Variants in CNTNAP2 observed in about 807,000 individuals in gnomAD.
The protein encoded by CNTNAP2 is contactin-associated protein-like 2.
In CNTNAP2, 98 loss-of-function variants were observed where a neutral mutation model predicts 155.2. The observed-to-expected ratio is 0.63, with a 90% CI of 0.54 to 0.75. CNTNAP2 has a LOEUF of 0.75. CNTNAP2 is among the 30% of genes least tolerant of loss of function. The pLI, the probability that CNTNAP2 is intolerant of heterozygous loss-of-function variation, is 0.00. For missense variants in CNTNAP2, 1,727 were observed against 1,688.1 expected, an observed-to-expected ratio of 1.02 and a Z score of -0.40; for synonymous variants, 651 against 631.2, an observed-to-expected ratio of 1.03 and a Z score of -0.47.
Position 148,027,145 on chromosome 7 carries a change from A to G in CNTNAP2, c.2383+49156A>G, listed in dbSNP as rs1802390477. Among the ~76,000 whole-genome samples, 6 of 152,208 alleles carry G rather than the reference A, an allele frequency of 3.9e-5. No individual in the cohort carries two copies. The South Asian group carries it at 1.2e-3, about 31-fold the overall frequency. On this transcript the variant is annotated intron_variant, in intron 15 of 23. Coordinates refer to ENST00000361727, the MANE Select transcript of CNTNAP2 (RefSeq NM_014141.6). ...GAGATTTCAGATCTAAACAAGACCC[A>G]CTATACGAACTAATGAAAATATTGG...
At chr7:146,838,862 T>C (rs1017816288) in intron 2 of CNTNAP2, among the ~76,000 whole-genome samples, 7 of 152,182 alleles carry the variant, frequency 4.6e-5, no homozygotes, top group Admixed American at 6.5e-5. Context: ...TATATCATTC[T>C]CTTTAGTAGC....
intron 8 of CNTNAP2, among the ~76,000 whole-genome samples, chr7:147,275,455 T>C (rs969956258): frequency 4.0e-5 from 6 of 151,702 alleles, no homozygotes; most frequent in African/African-American, 1.2e-4. Flanking sequence ...TAAGTGAAAT[T>C]GAGTTCTTGA....
intron 1 of CNTNAP2, among the ~76,000 whole-genome samples, chr7:146,744,701 G>A (rs1207192527): frequency 6.6e-6 from 1 of 152,064 alleles, no homozygotes; most frequent in African/African-American, 2.4e-5. Flanking sequence ...AAATAAAATG[G>A]GTGAATATTT....
chr7:147,884,761 T>C (rs1232607995), intron 13 of CNTNAP2, among the ~76,000 whole-genome samples: 1 of 152,214 alleles, frequency 6.6e-6, no homozygotes, highest in African/African-American at 2.4e-5. Flanking sequence ...CTTACTGCTC[T>C]TCTGTGAGAT....
At chr7:147,657,790 A>G (rs553963045) in intron 13 of CNTNAP2, among the ~76,000 whole-genome samples, 2 of 152,346 alleles carry the variant, frequency 1.3e-5, no homozygotes, top group African/African-American at 2.4e-5. Context: ...CTTGTATTAG[A>G]AAGGATTTAG....
intron 6 of CNTNAP2, among the ~76,000 whole-genome samples, chr7:147,126,049 T>C (rs552592904): frequency 6.6e-6 from 1 of 152,234 alleles, no homozygotes; most frequent in East Asian, 1.9e-4. Context: ...CAAGACTGTG[T>C]CCTCCCCCTC....
chr7:147,313,446 G>A (rs1398459767), intron 9 of CNTNAP2, among the ~76,000 whole-genome samples: 1 of 151,150 alleles, frequency 6.6e-6, no homozygotes. Context: ...TGTGTAAGGT[G>A]TAAGGAAGGG....
At chr7:146,893,777 T>C (rs1256772439) in intron 3 of CNTNAP2, among the ~76,000 whole-genome samples, 4 of 152,098 alleles carry the variant, frequency 2.6e-5, no homozygotes, top group Non-Finnish European at 5.9e-5. Context: ...CTTCAGCAAT[T>C]ATATGTGTGT....
chr7:148,191,808 G>C (rs1795205710), intron 18 of CNTNAP2, among the ~76,000 whole-genome samples: 1 of 152,070 alleles, frequency 6.6e-6, no homozygotes, highest in Admixed American at 6.6e-5. Flanking sequence ...AGTTTTGATG[G>C]GAGACAAAAA....
intron 8 of CNTNAP2, among the ~76,000 whole-genome samples, chr7:147,232,043 A>T (rs1030955146): frequency 6.6e-6 from 1 of 152,240 alleles, no homozygotes; most frequent in African/African-American, 2.4e-5. Context: ...AACCAACTGA[A>T]ACAGAAAATA....
At chr7:146,629,504 T>A (rs780775432) in intron 1 of CNTNAP2, among the ~76,000 whole-genome samples, 1 of 152,124 alleles carries the variant, frequency 6.6e-6, no homozygotes, top group Non-Finnish European at 1.5e-5. Context: ...TCAACAATAT[T>A]TGTTATTGCC....
chr7:147,449,950 A>G (rs1251313177), intron 10 of CNTNAP2, among the ~76,000 whole-genome samples: 3 of 152,258 alleles, frequency 2.0e-5, no homozygotes, highest in Admixed American at 1.3e-4. Flanking sequence ...TTCTGTGGTT[A>G]CCACTTCGGG....
chr7:146,500,233 G>GATTATGTCATCTGAGAATAGGT (rs1563108736), intron 1 of CNTNAP2, among the ~76,000 whole-genome samples: 7 of 152,168 alleles, frequency 4.6e-5, no homozygotes, highest in South Asian at 2.1e-4. Flanking sequence ...TACCAACACA[G>GATTATGTCATCTGAGAATAGGT]GGGTTCGGGC....
rs1563084576 is a variant in CNTNAP2, at chr7:147,775,325, AT to A, written c.2099-128239del. ...TATATTTATAAATATATATATATTT[AT>A]ATATATTTATAAATATATATATTTA... On this transcript the variant is annotated intron_variant, in intron 13 of 23. Transcript: ENST00000361727. 9.3e-4 allele frequency among the ~76,000 whole-genome samples: 48 copies of A among 51,722 alleles called. 2 individuals carry two copies. Among genetic ancestry groups the A allele is most frequent in the African/African-American group, 5.6e-3 (43 of 7,686 alleles). The allele number at this position is 51,722 out of a possible 152,430, so 33.9% of individuals were successfully genotyped here.
intron 15 of CNTNAP2, among the ~76,000 whole-genome samples, chr7:148,062,028 A>T (rs7385504): frequency 0.04 from 4,218 of 105,490 alleles, 245 homozygotes; most frequent in African/African-American, 0.08. Context: ...AGAGAGAGAG[A>T]GTGTGTGTGT....
intron 13 of CNTNAP2, among the ~76,000 whole-genome samples, chr7:147,715,863 G>A (rs1400030785): frequency 2.6e-5 from 4 of 151,992 alleles, no homozygotes; most frequent in African/African-American, 9.7e-5. Flanking sequence ...ATTTTTAGTT[G>A]ATTTTTGTAT....
In CNTNAP2 at chr7:146,883,548, A is replaced by C. The variant is rs184071121; in HGVS notation, c.402+43644A>C. 1.9e-3 allele frequency among the ~76,000 whole-genome samples: 296 copies of C among 152,322 alleles called. 2 individuals carry two copies. Among genetic ancestry groups the C allele is most frequent in the African/African-American group, 6.8e-3 (284 of 41,584 alleles). On this transcript the variant is annotated intron_variant, in intron 3 of 23. Transcript: ENST00000361727. ...CAAATAAACTTTAGCTTAGAAATTT[A>C]GGACAACGAAGAGAAGATTTTGCGA...
intron 1 of CNTNAP2, among the ~76,000 whole-genome samples, chr7:146,311,280 C>T (rs1486487933): frequency 2.7e-4 from 41 of 151,896 alleles, no homozygotes; most frequent in Non-Finnish European, 1.5e-5. Context: ...TTTCTGTGAC[C>T]CAAATCCAAG....
At chr7:146,483,017 C>T (rs1164514814) in intron 1 of CNTNAP2, among the ~76,000 whole-genome samples, 1 of 151,314 alleles carries the variant, frequency 6.6e-6, no homozygotes, top group Non-Finnish European at 1.5e-5. Context: ...TGGCTCACGC[C>T]TGTAATCCCA....
Sources: gnomAD v4.1 joint callset for allele counts (sites outside exome capture counted in the v4.1 genomes callset) on GRCh38, gnomAD v4.1.1 for gene constraint, MANE v1.5 for transcripts, NCBI Gene and HGNC (gene_info 2026-07-23, HGNC 2026-07-21) for gene names.